Variants in MYO3A observed in about 807,000 individuals in gnomAD.
The protein encoded by MYO3A is myosin-IIIa.
In MYO3A, 180 loss-of-function variants were observed where a neutral mutation model predicts 192.7. That is an observed-to-expected ratio of 0.93 (90% CI 0.83 to 1.06). The LOEUF is 1.06. MYO3A is among the 50% of genes least tolerant of loss of function. MYO3A has a pLI of 0.00. For missense variants in MYO3A, 1,896 were observed against 1,905.0 expected, an observed-to-expected ratio of 1.00 and a Z score of 0.09; for synonymous variants, 628 against 645.3, an observed-to-expected ratio of 0.97 and a Z score of 0.41.
chr10:26,068,212 C>T (rs1319548251), intron 11 of MYO3A, among the ~76,000 whole-genome samples: 1 of 151,948 alleles, frequency 6.6e-6, no homozygotes, highest in African/African-American at 2.4e-5. Context: ...TCTTTTGCTC[C>T]TCTCTTGTGT....
At chr10:26,085,906 T>C (rs989592314) in intron 14 of MYO3A, among the ~76,000 whole-genome samples, 2 of 152,210 alleles carry the variant, frequency 1.3e-5, no homozygotes, top group African/African-American at 4.8e-5. Flanking sequence ...AAGGTGTTTC[T>C]TTTCCTTCTC....
At chr10:26,148,112 T>C (rs1299125662) in intron 23 of MYO3A, among the ~76,000 whole-genome samples, 6 of 152,216 alleles carry the variant, frequency 3.9e-5, no homozygotes, top group African/African-American at 1.4e-4. Context: ...AACAGTAAAA[T>C]TTGATGAGTT....
Position 26,065,846 on chromosome 10 carries a change from G to A in MYO3A, c.954-1129G>A, listed in dbSNP as rs186131166. On this transcript the variant is annotated intron_variant, in intron 10 of 34. Transcript: ENST00000642920. ...ACAAAAAGAGCAGTGGGCCGGGCGCGGTGGCTCACGCCTGTAATCCCAGCA... is the reference window on the plus strand; with the variant it reads ...ACAAAAAGAGCAGTGGGCCGGGCGCAGTGGCTCACGCCTGTAATCCCAGCA... 6.2e-5 allele frequency among the ~76,000 whole-genome samples: 7 copies of A among 112,432 alleles called. 1 individual carries two copies. Among genetic ancestry groups the A allele is most frequent in the African/African-American group, 2.0e-4 (7 of 35,010 alleles). 73.8% of individuals were successfully genotyped at this position (112,432 alleles called of 152,430 possible). A position where few individuals can be genotyped will look rare whatever the true frequency, so the allele number is the denominator to read the frequency against.
rs530037759 is a variant in MYO3A at position 26,175,632 on chromosome 10, A to G, written c.4294-1069A>G. ...CAGACATCTCCAACTTCTAGCTGTC[A>G]GTAGAGATCTGCCATTTTTAATTTA... is the stretch of plus-strand genomic sequence containing the variant. On this transcript the variant is annotated intron_variant, in intron 30 of 34. Coordinates refer to ENST00000642920, the MANE Select transcript of MYO3A (RefSeq NM_017433.5). Among the ~76,000 whole-genome samples, 58 of 152,336 alleles carry G rather than the reference A, an allele frequency of 3.8e-4. No homozygotes were observed. In the South Asian group the frequency reaches 0.012, roughly 30 times the overall value.
intron 15 of MYO3A, among the ~76,000 whole-genome samples, chr10:26,093,933 C>T (rs1736307924): frequency 6.6e-6 from 1 of 152,158 alleles, no homozygotes. Flanking sequence ...TATAAGACCC[C>T]CCGACTCTCT....
chr10:26,150,639 A>G (rs145008278), intron 23 of MYO3A, among the ~76,000 whole-genome samples: 117 of 152,304 alleles, frequency 7.7e-4, no homozygotes, highest in African/African-American at 2.7e-3. Flanking sequence ...TCCTTTTAGT[A>G]TCTGTAGATC....
intron 10 of MYO3A, among the ~76,000 whole-genome samples, chr10:26,044,871 T>C (rs762932872): frequency 3.3e-5 from 5 of 152,166 alleles, no homozygotes; most frequent in Non-Finnish European, 5.9e-5. Context: ...GCACATAACA[T>C]ATAGAATATA....
At chr10:26,172,753 G>A (rs1842111603) in intron 29 of MYO3A, among the ~76,000 whole-genome samples, 1 of 152,134 alleles carries the variant, frequency 6.6e-6, no homozygotes, top group Non-Finnish European at 1.5e-5. Context: ...TATGCCTCCT[G>A]TACTAGCCTG....
intron 10 of MYO3A, among the ~76,000 whole-genome samples, chr10:26,028,250 A>G (rs190089728): frequency 2.0e-5 from 3 of 152,362 alleles, no homozygotes; most frequent in Admixed American, 6.5e-5. Context: ...AACTTGCACA[A>G]GGCTGCACAG....
chr10:26,175,445 T>C (rs1395385480), intron 30 of MYO3A, among the ~76,000 whole-genome samples: 1 of 152,186 alleles, frequency 6.6e-6, no homozygotes, highest in Non-Finnish European at 1.5e-5. Context: ...TAATCAATGG[T>C]GTATGAAGTA....
At chr10:26,067,140 G>A (rs1198020240) in intron 11 of MYO3A, 66 bp downstream of exon 11, 2 of 1,026,610 alleles carry the variant, frequency 1.9e-6, no homozygotes, top group Non-Finnish European at 1.5e-6. Flanking sequence ...GAAGACACGG[G>A]TATTGGTAGA....
intron 18 of MYO3A, among the ~76,000 whole-genome samples, chr10:26,121,145 A>C (rs2131704353): frequency 1.3e-5 from 2 of 151,592 alleles, no homozygotes; most frequent in African/African-American, 4.8e-5. Context: ...TTTAGCATCT[A>C]TACCATTTTA....
chr10:26,136,828 T>C (rs146989104), intron 20 of MYO3A, among the ~76,000 whole-genome samples: 251 of 152,306 alleles, frequency 1.6e-3, no homozygotes, highest in African/African-American at 5.9e-3. Context: ...GAGACCAGCC[T>C]GGCCAACATG....
At chr10:26,071,807 A>G (rs1835224171) in intron 14 of MYO3A, among the ~76,000 whole-genome samples, 1 of 152,232 alleles carries the variant, frequency 6.6e-6, no homozygotes, top group Non-Finnish European at 1.5e-5. Context: ...TAAAACCACA[A>G]GAAAACACTA....
chr10:26,064,131 A>G (rs1409484179), intron 10 of MYO3A, among the ~76,000 whole-genome samples: 1 of 152,226 alleles, frequency 6.6e-6, no homozygotes, highest in African/African-American at 2.4e-5. Context: ...GGCAATGGCT[A>G]AAAATAGAGC....
intron 10 of MYO3A, among the ~76,000 whole-genome samples, chr10:26,052,095 G>A (rs1200355814): frequency 6.6e-6 from 1 of 152,142 alleles, no homozygotes. Context: ...TATTTCATAT[G>A]CTTTAGTGTC....
chr10:26,203,450 C>T (rs1843768988), intron 34 of MYO3A, among the ~76,000 whole-genome samples: 1 of 152,074 alleles, frequency 6.6e-6, no homozygotes, highest in African/African-American at 2.4e-5. Flanking sequence ...TATATTCAAG[C>T]TCAATCAAAG....
chr10:26,153,723 A>G (rs1840934255), intron 23 of MYO3A, 127 bp from the exon 24 acceptor site: 1 of 640,982 alleles, frequency 1.6e-6, no homozygotes, highest in Non-Finnish European at 2.8e-6. Flanking sequence ...ATAAATAGTT[A>G]ACCAAGCATA....
rs540383576 is a variant in MYO3A at position 26,043,487 on chromosome 10, G to A, written c.953+16955G>A. Among the ~76,000 whole-genome samples, 24 of 152,268 alleles carry A rather than the reference G, an allele frequency of 1.6e-4. No homozygotes were observed. In the South Asian group the frequency reaches 4.8e-3, roughly 30 times the overall value. The stretch of plus-strand genomic sequence containing the variant: ...AGTCAAGAACCTTGGAAACTTACCT[G>A]GTGTTCTATTGTAGTGTGGGTGAGC... On this transcript the variant is annotated intron_variant, in intron 10 of 34. Transcript: ENST00000642920.
Sources: gnomAD v4.1 joint callset for allele counts (sites outside exome capture counted in the v4.1 genomes callset) on GRCh38, gnomAD v4.1.1 for gene constraint, MANE v1.5 for transcripts, NCBI Gene and HGNC (gene_info 2026-07-23, HGNC 2026-07-21) for gene names.